The following DOK6 variants were observed in gnomAD, a reference collection of about 807,000 sequenced individuals.
The protein encoded by DOK6 is downstream of tyrosine kinase 6.
A neutral mutation model predicts 44.0 loss-of-function variants in DOK6; 22 were observed. The observed-to-expected ratio is 0.50, with a 90% CI of 0.36 to 0.71. The LOEUF is 0.71. Among genes scored for constraint, DOK6 ranks in the 30% least tolerant of loss-of-function variants. The pLI is 0.00. For missense variants in DOK6, 340 were observed against 416.4 expected (o/e 0.82, Z 1.60); for synonymous variants, 166 against 145.5 (o/e 1.14, Z -1.01).
intron 3 of DOK6, chr18:69,659,961 T>TA (rs1985480195): frequency 9.3e-6 from 1 of 107,604 alleles, no homozygotes; most frequent in African/African-American, 3.0e-5. Flanking sequence ...ATATGTATGT[T>TA]TTATATATAT....
At chr18:69,780,320 G>A (rs1047532564) in intron 7 of DOK6, among the ~76,000 whole-genome samples, 7 of 152,152 alleles carry the variant, frequency 4.6e-5, no homozygotes, top group African/African-American at 1.2e-4. Flanking sequence ...GGCTAGGCAC[G>A]GTGGCTCATG....
intron 1 of DOK6, among the ~76,000 whole-genome samples, chr18:69,461,504 A>G (rs528451090): frequency 1.3e-5 from 2 of 152,236 alleles, no homozygotes; most frequent in South Asian, 4.1e-4. Flanking sequence ...CTTACGGTGG[A>G]GCACATATCC....
intron 4 of DOK6, among the ~76,000 whole-genome samples, chr18:69,681,680 T>C (rs1043792912): frequency 2.6e-5 from 4 of 152,214 alleles, no homozygotes; most frequent in African/African-American, 9.6e-5. Flanking sequence ...GGTCTTTCAG[T>C]AGTATTTAAG....
At chr18:69,620,674 A>C (rs1984419407) in intron 3 of DOK6, among the ~76,000 whole-genome samples, 1 of 152,178 alleles carries the variant, frequency 6.6e-6, no homozygotes, top group South Asian at 2.1e-4. Context: ...GCATTTGATA[A>C]ACAATAGTTA....
intron 1 of DOK6, among the ~76,000 whole-genome samples, chr18:69,539,675 T>C (rs1276313208): frequency 6.6e-6 from 1 of 152,168 alleles, no homozygotes; most frequent in Non-Finnish European, 1.5e-5. Flanking sequence ...TCATTATTAA[T>C]GGCTAATTTT....
intron 1 of DOK6, among the ~76,000 whole-genome samples, chr18:69,499,428 T>C (rs1980987866): frequency 6.6e-6 from 1 of 152,206 alleles, no homozygotes; most frequent in African/African-American, 2.4e-5. Flanking sequence ...ATAGAATTAA[T>C]CAAATCTACT....
intron 3 of DOK6, among the ~76,000 whole-genome samples, chr18:69,637,450 C>A (rs763122578): frequency 4.6e-5 from 7 of 152,054 alleles, no homozygotes; most frequent in Non-Finnish European, 8.8e-5. Flanking sequence ...CTACATAATT[C>A]CATTTTATCT....
rs1008642673 is a variant in DOK6 at position 69,614,384 on chromosome 18, A to G, written c.289+14886A>G. Reference sequence around the variant, plus strand: ...CATTTCAACCTTTATTTTCATTAGCATTTTTCAGTTTTACTGCGGCATAGT... The same window carrying G: ...CATTTCAACCTTTATTTTCATTAGCGTTTTTCAGTTTTACTGCGGCATAGT... On this transcript the variant is annotated intron_variant, in intron 3 of 7. Coordinates refer to ENST00000382713, the MANE Select transcript of DOK6 (RefSeq NM_152721.6). Among the ~76,000 whole-genome samples the G allele has an allele frequency of 2.0e-5, 3 of 152,170 alleles. No individual in the cohort carries two copies. In the East Asian group the frequency reaches 5.8e-4, roughly 29 times the overall value.
At chr18:69,745,295 G>C (rs1978948209) in intron 6 of DOK6, among the ~76,000 whole-genome samples, 1 of 151,998 alleles carries the variant, frequency 6.6e-6, no homozygotes, top group Non-Finnish European at 1.5e-5. Flanking sequence ...TTGATTCTTT[G>C]CTTTGCTGGA....
At chr18:69,573,878 G>A (rs11874759) in intron 2 of DOK6, among the ~76,000 whole-genome samples, 7,890 of 151,818 alleles carry the variant, frequency 0.052, 688 homozygotes, top group African/African-American at 0.18. Flanking sequence ...TCATTCAAAT[G>A]TGATCTATTC....
intron 1 of DOK6, among the ~76,000 whole-genome samples, chr18:69,552,115 A>C (rs1319407511): frequency 1.3e-5 from 2 of 152,198 alleles, no homozygotes; most frequent in African/African-American, 2.4e-5. Context: ...GTGAGGACTT[A>C]CTGGACAAAA....
At chr18:69,477,364 C>T (rs1465796413) in intron 1 of DOK6, among the ~76,000 whole-genome samples, 1 of 152,138 alleles carries the variant, frequency 6.6e-6, no homozygotes, top group African/African-American at 2.4e-5. Context: ...TAGTCCTTAA[C>T]TTTCATCAAG....
chr18:69,425,132 C>A (rs926715178), intron 1 of DOK6, among the ~76,000 whole-genome samples: 2 of 152,068 alleles, frequency 1.3e-5, no homozygotes, highest in East Asian at 1.9e-4. Flanking sequence ...AAGGAAGGGT[C>A]GGCGTGAGCA....
At chr18:69,733,630 C>A (rs556067329) in intron 5 of DOK6, among the ~76,000 whole-genome samples, 1 of 152,256 alleles carries the variant, frequency 6.6e-6, no homozygotes, top group Non-Finnish European at 1.5e-5. Flanking sequence ...TGAACTTATT[C>A]CTCCTATTTA....
intron 3 of DOK6, among the ~76,000 whole-genome samples, chr18:69,667,931 G>T (rs1258987587): frequency 1.3e-5 from 2 of 152,134 alleles, no homozygotes; most frequent in African/African-American, 4.8e-5. Flanking sequence ...ATAGTGAACT[G>T]CCTATTCATC....
intron 3 of DOK6, among the ~76,000 whole-genome samples, chr18:69,627,045 T>C (rs1038423484): frequency 6.6e-6 from 1 of 152,140 alleles, no homozygotes; most frequent in African/African-American, 2.4e-5. Flanking sequence ...GCTGGCCTTA[T>C]AGACCTGGGT....
intron 1 of DOK6, among the ~76,000 whole-genome samples, chr18:69,452,376 C>A (rs1316072814): frequency 4.7e-5 from 7 of 149,372 alleles, no homozygotes; most frequent in East Asian, 2.0e-4. Context: ...GAAGTTGAAT[C>A]TCTGAATAGA....
At chr18:69,539,033 A>G (rs2144579524) in intron 1 of DOK6, among the ~76,000 whole-genome samples, 1 of 152,258 alleles carries the variant, frequency 6.6e-6, no homozygotes, top group East Asian at 1.9e-4. Flanking sequence ...ACATAAACAG[A>G]AGTCGTGTAA....
chr18:69,508,027 T>C (rs1260410054), intron 1 of DOK6, among the ~76,000 whole-genome samples: 1 of 152,216 alleles, frequency 6.6e-6, no homozygotes, highest in African/African-American at 2.4e-5. Flanking sequence ...ATATGTCAGA[T>C]TGAGGGATTT....
Sources: gnomAD v4.1 joint callset for allele counts (sites outside exome capture counted in the v4.1 genomes callset) on GRCh38, gnomAD v4.1.1 for gene constraint, MANE v1.5 for transcripts, NCBI Gene and HGNC (gene_info 2026-07-23, HGNC 2026-07-21) for gene names.